SHISA9: variants seen among roughly 807,000 people sequenced by gnomAD.
The protein encoded by SHISA9 is protein shisa-9.
SHISA9 carries 13 observed loss-of-function variants against 38.0 expected under a neutral mutation model. That is an observed-to-expected ratio of 0.34 (90% confidence interval 0.22 to 0.54). The LOEUF (loss-of-function observed/expected upper bound fraction) is 0.54, where lower values mean the gene tolerates loss of function less well. SHISA9 is among the 20% of genes least tolerant of loss of function. SHISA9 has a pLI of 0.91. For synonymous variants in SHISA9, 275 were observed against 242.0 expected (o/e 1.14, Z -1.27); for missense variants, 538 against 575.8 (o/e 0.93, Z 0.67).
At chr16:13,464,029 C>G in the SHISA9 span, among the ~76,000 whole-genome samples, 2 of 152,372 alleles carry the variant, frequency 1.3e-5, no homozygotes, top group African/African-American at 4.8e-5. Flanking sequence ...ACTGCATCCT[C>G]TTTTCTCCTC....
At chr16:13,192,702 C>G (rs1441403232) in intron 2 of SHISA9, among the ~76,000 whole-genome samples, 1 of 152,070 alleles carries the variant, frequency 6.6e-6, no homozygotes, top group African/African-American at 2.4e-5. Flanking sequence ...GGTGAAACCC[C>G]ATCTCTGCTA....
chr16:13,193,198 A>G (rs8049110), intron 2 of SHISA9, among the ~76,000 whole-genome samples: 78,279 of 151,924 alleles, frequency 0.52, 21,489 homozygotes, highest in African/African-American at 0.71. Flanking sequence ...GACAACCTTG[A>G]CATCAAATCC....
chr16:12,912,953 T>G (rs568847473), intron 1 of SHISA9, among the ~76,000 whole-genome samples: 1 of 152,196 alleles, frequency 6.6e-6, no homozygotes, highest in Non-Finnish European at 1.5e-5. Context: ...TCCCATCATC[T>G]TCACGTGTCC....
chr16:13,362,603 T>A, the SHISA9 span, among the ~76,000 whole-genome samples: 1 of 152,176 alleles, frequency 6.6e-6, no homozygotes, highest in East Asian at 1.9e-4. Context: ...TGCAAGGAAG[T>A]GAAAATGCAG....
At chr16:13,416,761 A>AGGAAGGAAGGAAGGAAG in the SHISA9 span, among the ~76,000 whole-genome samples, 1 of 130,862 alleles carries the variant, frequency 7.6e-6, no homozygotes. Flanking sequence ...GAAGGAAGGA[A>AGGAAGGAAGGAAGGAAG]GGAAGGAAGG....
intron 2 of SHISA9, among the ~76,000 whole-genome samples, chr16:13,036,449 A>AGG (rs899844113): frequency 1.3e-5 from 2 of 152,166 alleles, no homozygotes; most frequent in African/African-American, 4.8e-5. Context: ...AAGGCTAAAT[A>AGG]GTGTTTGTCT....
the SHISA9 span, among the ~76,000 whole-genome samples, chr16:13,323,386 T>C: frequency 6.6e-6 from 1 of 152,188 alleles, no homozygotes; most frequent in Non-Finnish European, 1.5e-5. Context: ...CCTCAGTCAT[T>C]GAGTGGAAGT....
At chr16:13,472,114 C>G in the SHISA9 span, among the ~76,000 whole-genome samples, 1 of 152,142 alleles carries the variant, frequency 6.6e-6, no homozygotes, top group Non-Finnish European at 1.5e-5. Flanking sequence ...CCTGTTCTGA[C>G]TCTTTAAGTG....
chr16:13,446,097 C>T, the SHISA9 span, among the ~76,000 whole-genome samples: 1 of 152,032 alleles, frequency 6.6e-6, no homozygotes, highest in Non-Finnish European at 1.5e-5. Context: ...TGCCCGCCAC[C>T]ATGCCCAGTT....
At chr16:13,356,515 CG>C in the SHISA9 span, among the ~76,000 whole-genome samples, 1 of 151,964 alleles carries the variant, frequency 6.6e-6, no homozygotes, top group African/African-American at 2.4e-5. Flanking sequence ...CGGAACGAAA[CG>C]GTAAGCCAGA....
At chr16:12,937,789 T>A (rs868424543) in intron 2 of SHISA9, among the ~76,000 whole-genome samples, 1 of 152,178 alleles carries the variant, frequency 6.6e-6, no homozygotes, top group Non-Finnish European at 1.5e-5. Context: ...TACAGAACCA[T>A]TGGGGGTTAG....
the SHISA9 span, among the ~76,000 whole-genome samples, chr16:13,341,780 TAAC>T: frequency 6.6e-6 from 1 of 152,174 alleles, no homozygotes; most frequent in African/African-American, 2.4e-5. Flanking sequence ...GAAACATTGA[TAAC>T]AACATGTAAG....
the SHISA9 span, among the ~76,000 whole-genome samples, chr16:13,260,864 A>G: frequency 1.2e-4 from 18 of 152,314 alleles, no homozygotes; most frequent in African/African-American, 3.8e-4. Context: ...ACTGGGAACA[A>G]AAAAAGGTTT....
At chr16:13,408,973 C>T in the SHISA9 span, among the ~76,000 whole-genome samples, 1 of 152,156 alleles carries the variant, frequency 6.6e-6, no homozygotes, top group East Asian at 1.9e-4. Flanking sequence ...GTTTTCATGT[C>T]CAAAAAGTTG....
At chr16:13,035,479 C>A (rs2073044875) in intron 2 of SHISA9, among the ~76,000 whole-genome samples, 1 of 151,926 alleles carries the variant, frequency 6.6e-6, no homozygotes, top group South Asian at 2.1e-4. Context: ...AGGGGACTTT[C>A]TTGTGAATTG....
At chr16:13,213,420 T>A in intron 4 of SHISA9, 120 bp downstream of exon 4, 1 of 896,166 alleles carries the variant, frequency 1.1e-6, no homozygotes, top group Non-Finnish European at 1.7e-6. Context: ...CTGCATAGGG[T>A]GGCATCTGCA....
chr16:13,376,117 A>G, the SHISA9 span, among the ~76,000 whole-genome samples: 2 of 152,218 alleles, frequency 1.3e-5, no homozygotes, highest in Admixed American at 1.3e-4. Flanking sequence ...AAAATGAAAT[A>G]CCACACAATG....
chr16:13,561,398 T>C, the SHISA9 span, among the ~76,000 whole-genome samples: 1 of 152,116 alleles, frequency 6.6e-6, no homozygotes, highest in Non-Finnish European at 1.5e-5. Flanking sequence ...CCCAGAGAGA[T>C]TCCCATAACT....
At chr16:13,317,946 C>T in the SHISA9 span, among the ~76,000 whole-genome samples, 1 of 151,456 alleles carries the variant, frequency 6.6e-6, no homozygotes, top group Non-Finnish European at 1.5e-5. Context: ...TATGTAATAT[C>T]TGACATTGGT....
Sources: gnomAD v4.1 joint callset for allele counts (sites outside exome capture counted in the v4.1 genomes callset) on GRCh38, gnomAD v4.1.1 for gene constraint, MANE v1.5 for transcripts, NCBI Gene and HGNC (gene_info 2026-07-23, HGNC 2026-07-21) for gene names.